The following FAH variants were observed in gnomAD, a reference collection of about 807,000 sequenced individuals.
The protein encoded by FAH is fumarylacetoacetase.
In FAH, 47 loss-of-function variants were observed where a neutral mutation model predicts 55.8. The observed-to-expected ratio is 0.84, with a 90% CI of 0.67 to 1.07. FAH has a LOEUF of 1.07. Ranked by LOEUF, FAH falls within the 50% of genes least tolerant of loss-of-function variation. The probability of loss-of-function intolerance (pLI) is 0.00; values close to 1 mark genes in which losing one functional copy is unlikely to be tolerated. For missense variants in FAH, 495 were observed against 545.9 expected, an observed-to-expected ratio of 0.91 and a Z score of 0.93; for synonymous variants, 199 against 207.7, an observed-to-expected ratio of 0.96 and a Z score of 0.36.
intron 5 of FAH, chr15:80,163,419 G>A (rs1450237560): frequency 6.6e-6 from 1 of 152,274 alleles, no homozygotes; most frequent in African/African-American, 2.4e-5. Context: ...CAGAAGAGCT[G>A]GCTGTCACCT....
rs768180953 is a variant in FAH, at chr15:80,168,143, GATGACTGTGAGTGACCGCAGCGTCCA to G, written c.548_553+20del. On this transcript the variant is annotated splice_donor_variant and splice_donor_5th_base_variant and coding_sequence_variant and intron_variant, in exon 6 of 14. Transcript: ENST00000561421. LOFTEE classifies it high-confidence loss of function. ...AAGGCCCATGGGACAGATGAAACCT[GATGACTGTGAGTGACCGCAGCGTCCA>G]GGCCTTGCTGGTACCCAGCTCTCTG... The G allele has an allele frequency of 5.6e-6, 9 of 1,613,830 alleles. No homozygotes were observed. In the Admixed American group the frequency reaches 1.0e-4, roughly 18 times the overall value.
intron 1 of FAH, chr15:80,155,920 A>G (rs2041095139): frequency 2.1e-6 from 1 of 478,706 alleles, no homozygotes; most frequent in Non-Finnish European, 4.1e-6. Flanking sequence ...TATCTACTAC[A>G]AACTTCAAAG....
Position 80,186,115 on chromosome 15 carries a change from C to A in FAH, c.1181-15C>A. Reference sequence around the variant, plus strand: ...CAGCAACTTTGTGACTGATCCTTGTCCTCCTCTGTTCCAGGGTACTGCCAG... The same window carrying A: ...CAGCAACTTTGTGACTGATCCTTGTACTCCTCTGTTCCAGGGTACTGCCAG... On this transcript the variant is annotated splice_polypyrimidine_tract_variant and intron_variant, in intron 13 of 13. Transcript: ENST00000561421. 6.2e-7 allele frequency: 1 copy of A among 1,612,652 alleles called. No individual in the cohort carries two copies. The highest frequency in any genetic ancestry group is 8.5e-7 in the Non-Finnish European group (1 of 1,178,610).
intron 13 of FAH, among the ~76,000 whole-genome samples, chr15:80,185,746 G>A (rs188565579): frequency 7.9e-5 from 12 of 152,314 alleles, no homozygotes; most frequent in Non-Finnish European, 1.6e-4. Flanking sequence ...AGAACAGTAT[G>A]GAGGAAACCG....
chr15:80,158,818 C>T (rs2041122127), intron 2 of FAH, among the ~76,000 whole-genome samples: 1 of 152,130 alleles, frequency 6.6e-6, no homozygotes, highest in Non-Finnish European at 1.5e-5. Context: ...GGGACCTGAA[C>T]TTCTGGAATG....
At chr15:80,154,710 T>C (rs1452991082) in intron 1 of FAH, among the ~76,000 whole-genome samples, 2 of 152,160 alleles carry the variant, frequency 1.3e-5, no homozygotes, top group Non-Finnish European at 2.9e-5. Flanking sequence ...CATCACTTTA[T>C]TCATTTTTTT....
rs2041140555 is a variant in FAH, at chr15:80,160,583, G to C, written c.364+124G>C. On this transcript the variant is annotated intron_variant, in intron 4 of 13. Coordinates refer to ENST00000561421, the MANE Select transcript of FAH (RefSeq NM_000137.4). ...GCTGGTGGGGGGAGATGGAGGAGGG[G>C]CTCTGGGGCTGTTACCCGCTCCTCA... The C allele has an allele frequency of 3.3e-6, 3 of 901,928 alleles. No individual in the cohort carries two copies. In the South Asian group the frequency reaches 4.0e-5, roughly 12 times the overall value. 55.9% of individuals were successfully genotyped at this position (901,928 alleles called of 1,614,324 possible).
chr15:80,170,258 C>A (rs999850168), intron 7 of FAH, among the ~76,000 whole-genome samples: 1 of 152,356 alleles, frequency 6.6e-6, no homozygotes. Flanking sequence ...TCAGCACCTA[C>A]AGTTTTAGGC....
At chr15:80,161,272 T>G (rs1274665095) in intron 4 of FAH, among the ~76,000 whole-genome samples, 7 of 124,656 alleles carry the variant, frequency 5.6e-5, no homozygotes, top group South Asian at 4.4e-4. Flanking sequence ...CCCTTTCTTG[T>G]TTTTTTTTTT....
At chr15:80,156,297 C>T (rs563105739) in intron 1 of FAH, 2 of 159,382 alleles carry the variant, frequency 1.3e-5, no homozygotes, top group East Asian at 1.7e-4. Context: ...TTATATTGTA[C>T]TACAATAAAG....
chr15:80,181,269 G>A, intron 13 of FAH, 110 bp downstream of exon 13: 1 of 752,870 alleles, frequency 1.3e-6, no homozygotes. Context: ...CACGCATCCT[G>A]ACTCTGCCTC....
intron 11 of FAH, 116 bp downstream of exon 11, chr15:80,177,699 T>A (rs2041296304): frequency 5.2e-6 from 5 of 954,674 alleles, no homozygotes; most frequent in Non-Finnish European, 8.5e-6. Flanking sequence ...GGTCAGCCTG[T>A]GGGCCTGGAG....
intron 1 of FAH, chr15:80,156,484 C>T (rs2041102140): frequency 6.6e-6 from 1 of 152,220 alleles, no homozygotes; most frequent in Admixed American, 6.5e-5. Context: ...CCATGCTTCC[C>T]CCTCTATGTC....
chr15:80,170,559 G>A (rs1051238589), intron 7 of FAH, among the ~76,000 whole-genome samples: 1 of 152,214 alleles, frequency 6.6e-6, no homozygotes, highest in African/African-American at 2.4e-5. Flanking sequence ...GTGAGACTGC[G>A]GGAGGAGGAC....
At chr15:80,178,461 T>C (rs2041302092) in intron 11 of FAH, among the ~76,000 whole-genome samples, 1 of 152,208 alleles carries the variant, frequency 6.6e-6, no homozygotes, top group African/African-American at 2.4e-5. Flanking sequence ...TGTATTCTTT[T>C]GTAGCTGGCA....
At chr15:80,152,919 G>A, upstream of FAH, 3 of 713,354 alleles carry the variant, frequency 4.2e-6, no homozygotes, top group Admixed American at 4.4e-5. Flanking sequence ...GGAGCCTCCG[G>A]GGTCCCTGCT....
intron 3 of FAH, 101 bp from the exon 4 acceptor site, chr15:80,160,308 TG>T: frequency 8.2e-7 from 1 of 1,214,468 alleles, no homozygotes; most frequent in Non-Finnish European, 1.2e-6. Flanking sequence ...AGGTGCCCAC[TG>T]GAGATTGTGG....
intron 11 of FAH, among the ~76,000 whole-genome samples, chr15:80,179,750 A>T (rs1248484933): frequency 6.6e-6 from 1 of 152,126 alleles, no homozygotes; most frequent in East Asian, 1.9e-4. Flanking sequence ...CCAATACGGG[A>T]CTGGAGGGTG....
At chr15:80,178,630 C>T (rs1353874615) in intron 11 of FAH, among the ~76,000 whole-genome samples, 1 of 150,188 alleles carries the variant, frequency 6.7e-6, no homozygotes, top group Admixed American at 6.7e-5. Context: ...GTTGCCCAGG[C>T]TGGAGTGCAG....
Sources: allele counts gnomAD v4.1 joint callset (sites outside exome capture counted in the v4.1 genomes callset), GRCh38; gene constraint gnomAD v4.1.1; transcripts MANE v1.5; gene names NCBI Gene and HGNC (gene_info 2026-07-23, HGNC 2026-07-21).